Variants in URB1 observed in about 807,000 individuals in gnomAD.
URB1 encodes nucleolar pre-ribosomal-associated protein 1.
In URB1, 197 loss-of-function variants were observed where a neutral mutation model predicts 242.3. That is an observed-to-expected ratio of 0.81 (90% CI 0.72 to 0.91). The LOEUF (loss-of-function observed/expected upper bound fraction) is 0.91, where lower values mean the gene tolerates loss of function less well. URB1 is among the 40% of genes least tolerant of loss of function. The pLI, the probability that URB1 is intolerant of heterozygous loss-of-function variation, is 0.00. For synonymous variants in URB1, 1,153 were observed against 1,201.8 expected, an observed-to-expected ratio of 0.96 and a Z score of 0.84; for missense variants, 2,721 against 2,860.5, an observed-to-expected ratio of 0.95 and a Z score of 1.11.
chr21:32,383,105 T>C (rs898128539), intron 4 of URB1, among the ~76,000 whole-genome samples: 1 of 152,028 alleles, frequency 6.6e-6, no homozygotes, highest in Admixed American at 6.6e-5. Context: ...ACATGGAGGG[T>C]ATTTCATTTA....
Position 32,352,910 on chromosome 21 carries a change from C to A in URB1, c.2417-4G>T. 2 of 1,538,778 alleles carry A rather than the reference C, an allele frequency of 1.3e-6. No homozygotes were observed. Among genetic ancestry groups the A allele is most frequent in the Non-Finnish European group, 1.8e-6 (2 of 1,140,088 alleles). On this transcript the variant is annotated splice_polypyrimidine_tract_variant and splice_region_variant and intron_variant, in intron 18 of 38. Transcript: ENST00000382751. ...AGATATGTCACAACGTTTTCCGCTG[C>A]AAAGGAACGAGATGCATATGGGAAG...
chr21:32,350,887 G>T lies in URB1; in HGVS notation c.2649C>A (p.Ala883=), dbSNP rs1198851886. The change falls in exon 20 of 39, where the codon GCC becomes GCA. Residue 883 remains alanine, a synonymous_variant. Transcript: ENST00000382751. ...LQAQGSPSPP[A]LPLASSFTAL... ...CTGTGAAGGACGAGGCCAAGGGAAGGGCAGGGGGCGAGGGGCTGCCCTGTG... is the reference window on the plus strand; with the variant it reads ...CTGTGAAGGACGAGGCCAAGGGAAGTGCAGGGGGCGAGGGGCTGCCCTGTG... 8 of 1,549,466 alleles carry T rather than the reference G, an allele frequency of 5.2e-6. No homozygotes were observed. Among genetic ancestry groups the T allele is most frequent in the Non-Finnish European group, 7.0e-6 (8 of 1,146,988 alleles).
chr21:32,376,888 C>T (rs963909083), intron 5 of URB1, among the ~76,000 whole-genome samples: 2 of 151,928 alleles, frequency 1.3e-5, no homozygotes, highest in African/African-American at 4.8e-5. Context: ...TCAAGAACTC[C>T]CGGGCTCAAG....
chr21:32,338,767 G>C lies in URB1; in HGVS notation c.4450C>G (p.Leu1484Val). The C allele has an allele frequency of 6.4e-7, 1 of 1,551,696 alleles. No individual in the cohort carries two copies. Among genetic ancestry groups the C allele is most frequent in the Non-Finnish European group, 8.7e-7 (1 of 1,147,004 alleles). The change falls in exon 26 of 39, where the codon CTG becomes GTG. Residue 1484 changes from leucine (L) to valine (V), a missense_variant. Transcript: ENST00000382751. The part of the protein sequence containing the change: ...VVYVMLMQHS[L>V]FLPTLLTSDG... ...GACGTCAGTAGAGTCGGCAGAAACAGCGAGTGCTGCATGAGCATCACGTAG... is the reference window on the plus strand; with the variant it reads ...GACGTCAGTAGAGTCGGCAGAAACACCGAGTGCTGCATGAGCATCACGTAG...
chr21:32,373,807 A>T, intron 6 of URB1, 35 bp from the exon 7 acceptor site: 1 of 1,468,406 alleles, frequency 6.8e-7, no homozygotes, highest in Non-Finnish European at 9.1e-7. Context: ...TTAAAAAACA[A>T]ATTATGAAAA....
chr21:32,333,137 T>C (rs2032915711), intron 30 of URB1, 180 bp downstream of exon 30: 1 of 608,580 alleles, frequency 1.6e-6, no homozygotes, highest in Admixed American at 3.1e-5. Flanking sequence ...TTCAAAATAC[T>C]AACTGTGACT....
rs770258013 is a variant in URB1 at position 32,361,079 on chromosome 21, T to C, written c.1684A>G (p.Ile562Val). Reference sequence around the variant, plus strand: ...GGGACCACCTTCTGGTAGAGGCATATGACCTGGAGCAAAACAGCTTTCAAA... The same window carrying C: ...GGGACCACCTTCTGGTAGAGGCATACGACCTGGAGCAAAACAGCTTTCAAA... ...ILLKAVLLQV[I>V]CLYQKVVPHV... The change falls in exon 13 of 39, where the codon ATA becomes GTA. Residue 562 changes from isoleucine to valine, a missense_variant. Coordinates refer to ENST00000382751, the MANE Select transcript of URB1 (RefSeq NM_014825.3). 4 of 1,549,910 alleles carry C rather than the reference T, an allele frequency of 2.6e-6. No homozygotes were observed. The South Asian group carries it at 3.6e-5, about 14-fold the overall frequency.
intron 30 of URB1, among the ~76,000 whole-genome samples, chr21:32,332,349 G>T (rs1166200841): frequency 2.0e-5 from 3 of 151,228 alleles, no homozygotes; most frequent in African/African-American, 7.3e-5. Context: ...CTCTGTGAAA[G>T]AACTTGTTAA....
chr21:32,359,901 G>T lies in URB1; in HGVS notation c.1764C>A (p.Ile588=). ...FDFSKLLKGV[I]SEQGLREEVP... is the part of the protein sequence containing the mutation. Reference sequence around the variant, plus strand: ...CCTCCTCTCGAAGGCCCTGCTCAGAGATGACACCTATGGGTGAAAAAGAGG... The same window carrying T: ...CCTCCTCTCGAAGGCCCTGCTCAGATATGACACCTATGGGTGAAAAAGAGG... Residue 588 remains isoleucine, a synonymous_variant, in exon 14 of 39, where the codon ATC becomes ATA. Coordinates refer to ENST00000382751, the MANE Select transcript of URB1 (RefSeq NM_014825.3). 2 of 1,549,534 alleles carry T rather than the reference G, an allele frequency of 1.3e-6. No homozygotes were observed. Among genetic ancestry groups the T allele is most frequent in the Non-Finnish European group, 1.7e-6 (2 of 1,146,156 alleles).
At position 32,357,575 on chromosome 21, in the gene URB1, A is replaced by T. The variant is rs1230616984; in HGVS notation, c.1951T>A (p.Leu651Ile). The change falls in exon 15 of 39, where the codon TTA becomes ATA. Residue 651 changes from leucine to isoleucine, a missense_variant. Leu to Ile is a conservative substitution (Grantham distance 5). Coordinates refer to ENST00000382751, the MANE Select transcript of URB1 (RefSeq NM_014825.3). ...AGTTTGGTCAATGACTTCAGTTGTAAATGGCTACTGGTCACAAACATTTTC... is the reference window on the plus strand; with the variant it reads ...AGTTTGGTCAATGACTTCAGTTGTATATGGCTACTGGTCACAAACATTTTC... ...LMKMFVTSSH[L>I]QLKSLTKLLI... 2 of 1,532,522 alleles carry T rather than the reference A, an allele frequency of 1.3e-6. No individual in the cohort carries two copies. The highest frequency in any genetic ancestry group is 2.5e-5 in the South Asian group (2 of 79,090). The allele number at this position is 1,532,522 out of a possible 1,614,324, so 94.9% of individuals were successfully genotyped here.
At chr21:32,336,894 G>A (rs1209761146) in intron 28 of URB1, among the ~76,000 whole-genome samples, 200 bp downstream of exon 28, 1 of 152,214 alleles carries the variant, frequency 6.6e-6, no homozygotes, top group Non-Finnish European at 1.5e-5. Flanking sequence ...CAGTGGCCCT[G>A]CCCAGATGCC....
chr21:32,373,624 C>A, intron 7 of URB1, 23 bp downstream of exon 7: 1 of 1,524,444 alleles, frequency 6.6e-7, no homozygotes, highest in Non-Finnish European at 8.8e-7. Context: ...ACGAGGTCAA[C>A]GAAAACCAAA....
Position 32,384,720 on chromosome 21 carries a change from G to A in URB1, c.283-256C>T, listed in dbSNP as rs150356661. Among the ~76,000 whole-genome samples the A allele has an allele frequency of 5.9e-4, 90 of 152,302 alleles. 1 individual carries two copies. Among genetic ancestry groups the A allele is most frequent in the East Asian group, 5.4e-3 (28 of 5,166 alleles). On this transcript the variant is annotated intron_variant, in intron 2 of 38. Coordinates refer to ENST00000382751, the MANE Select transcript of URB1 (RefSeq NM_014825.3). Reference sequence around the variant, plus strand: ...GTTAGGGCCAGGCGTGGTGGCTCACGCCTGTAATCCCAGCACTTTGGGAGG... The same window carrying A: ...GTTAGGGCCAGGCGTGGTGGCTCACACCTGTAATCCCAGCACTTTGGGAGG...
At chr21:32,382,600 C>A (rs1196882729) in intron 4 of URB1, among the ~76,000 whole-genome samples, 3 of 152,058 alleles carry the variant, frequency 2.0e-5, no homozygotes, top group Non-Finnish European at 2.9e-5. Context: ...GGTTCTCCAC[C>A]GCAGCAGATG....
At chr21:32,320,494 C>T (rs1450734600) in intron 35 of URB1, 37 bp downstream of exon 35, 1 of 1,442,042 alleles carries the variant, frequency 6.9e-7, no homozygotes, top group African/African-American at 1.4e-5. Context: ...CCTTTCCTTC[C>T]CACCTGACGC....
chr21:32,371,501 G>A (rs187358794), intron 8 of URB1, among the ~76,000 whole-genome samples: 35 of 152,206 alleles, frequency 2.3e-4, no homozygotes, highest in Admixed American at 4.6e-4. Context: ...CATTCTTACT[G>A]ATGAAAGAAA....
chr21:32,324,487 G>T lies in URB1; in HGVS notation c.5233+4C>A, dbSNP rs1380036207. The T allele has an allele frequency of 1.3e-6, 2 of 1,549,708 alleles. No individual in the cohort carries two copies. The highest frequency in any genetic ancestry group is 1.7e-6 in the Non-Finnish European group (2 of 1,144,898). On this transcript the variant is annotated splice_donor_region_variant and intron_variant, in intron 32 of 38. Coordinates refer to ENST00000382751, the MANE Select transcript of URB1 (RefSeq NM_014825.3). ...TCCCCTCAACCTAATTATGTCAGTGGTACCTGGTTTCAAAATCTGCAGGGC... is the reference window on the plus strand; with the variant it reads ...TCCCCTCAACCTAATTATGTCAGTGTTACCTGGTTTCAAAATCTGCAGGGC...
chr21:32,366,841 A>G lies in URB1; in HGVS notation c.1198-86T>C, dbSNP rs534015041. The G allele has an allele frequency of 3.6e-6, 5 of 1,391,384 alleles. No individual in the cohort carries two copies. The East Asian group carries it at 1.3e-4, about 35-fold the overall frequency. 86.2% of individuals were successfully genotyped at this position (1,391,384 alleles called of 1,614,324 possible). Reference sequence around the variant, plus strand: ...GCTGTAGGCACCCAAAGGTGAAGCCATTCAATCAAATAATTATAGCGGTAA... The same window carrying G: ...GCTGTAGGCACCCAAAGGTGAAGCCGTTCAATCAAATAATTATAGCGGTAA... On this transcript the variant is annotated intron_variant, in intron 9 of 38. Coordinates refer to ENST00000382751, the MANE Select transcript of URB1 (RefSeq NM_014825.3).
In URB1 at chr21:32,361,997, C is replaced by A. The variant is rs749219842; in HGVS notation, c.1534G>T (p.Val512Leu). Residue 512 changes from valine to leucine, a missense_variant, in exon 12 of 39, where the codon GTG (valine) becomes TTG (leucine). Transcript: ENST00000382751. Reference protein sequence around the residue: ...SKILPDLNTVVWVWQSLKKQE... With the variant: ...SKILPDLNTVLWVWQSLKKQE... Reference sequence around the variant, plus strand: ...TTTTTAAGTGACTGCCAGACCCACACGACAGTGTTCAGGTCTGGCAAAATC... The same window carrying A: ...TTTTTAAGTGACTGCCAGACCCACAAGACAGTGTTCAGGTCTGGCAAAATC... 1.3e-6 allele frequency: 2 copies of A among 1,551,440 alleles called. No homozygotes were observed. The highest frequency in any genetic ancestry group is 1.7e-6 in the Non-Finnish European group (2 of 1,146,916).
Sources: allele counts gnomAD v4.1 joint callset (sites outside exome capture counted in the v4.1 genomes callset), GRCh38; gene constraint gnomAD v4.1.1; transcripts MANE v1.5; gene names NCBI Gene and HGNC (gene_info 2026-07-23, HGNC 2026-07-21).